Variants in RFX3 observed in about 807,000 individuals in gnomAD.
The protein encoded by RFX3 is regulatory factor X3.
Under a neutral mutation model 98.6 loss-of-function variants are expected in RFX3, and 14 were observed. The ratio of observed to expected loss-of-function variants is 0.14; its 90% CI spans 0.09 to 0.22. RFX3 has a LOEUF of 0.22. Among genes scored for constraint, RFX3 ranks in the 10% least tolerant of loss-of-function variants. The pLI is 1.00. For synonymous variants in RFX3, 383 were observed against 328.4 expected (o/e 1.17, Z -1.80); for missense variants, 639 against 926.9 (o/e 0.69, Z 4.03).
intron 2 of RFX3, among the ~76,000 whole-genome samples, chr9:3,391,869 G>C (rs1324598070): frequency 6.6e-6 from 1 of 152,136 alleles, no homozygotes; most frequent in Non-Finnish European, 1.5e-5. Flanking sequence ...AAAATGTTTG[G>C]AGGTTTGTTC....
At chr9:3,429,146 C>G (rs182716606) in intron 1 of RFX3, among the ~76,000 whole-genome samples, 1,544 of 151,238 alleles carry the variant, frequency 0.01, 24 homozygotes, top group African/African-American at 0.036. Flanking sequence ...CCTCAGCCTC[C>G]CAAGTAGCTG....
intron 3 of RFX3, chr9:3,344,939 G>A: frequency 3.0e-6 from 2 of 668,166 alleles, no homozygotes; most frequent in Non-Finnish European, 5.4e-6. Flanking sequence ...TATGTAAAGA[G>A]GTATAGATTT....
At chr9:3,447,038 T>C (rs1846116997) in intron 1 of RFX3, among the ~76,000 whole-genome samples, 1 of 152,176 alleles carries the variant, frequency 6.6e-6, no homozygotes, top group Admixed American at 6.5e-5. Flanking sequence ...GGAAAATGCC[T>C]TCTCTAGAGA....
intron 1 of RFX3, among the ~76,000 whole-genome samples, chr9:3,446,316 T>C (rs1423242933): frequency 2.0e-5 from 3 of 152,144 alleles, no homozygotes; most frequent in African/African-American, 7.2e-5. Context: ...GAAGTCTTCA[T>C]TGAAGCAACT....
chr9:3,302,576 C>T (rs1828795617), intron 4 of RFX3, among the ~76,000 whole-genome samples: 14 of 151,734 alleles, frequency 9.2e-5, no homozygotes, highest in Admixed American at 9.2e-4. Flanking sequence ...AAATTGATTT[C>T]ATTATTCTTA....
At chr9:3,338,765 T>C (rs1411915777) in intron 3 of RFX3, among the ~76,000 whole-genome samples, 1 of 152,132 alleles carries the variant, frequency 6.6e-6, no homozygotes, top group Non-Finnish European at 1.5e-5. Flanking sequence ...AAACCTGATT[T>C]TCACAGGAAC....
chr9:3,438,217 T>G (rs930918441), intron 1 of RFX3, among the ~76,000 whole-genome samples: 1 of 152,130 alleles, frequency 6.6e-6, no homozygotes, highest in African/African-American at 2.4e-5. Flanking sequence ...TCATATACTT[T>G]CACATTTAAG....
chr9:3,495,948 G>A (rs1478250125), intron 1 of RFX3, among the ~76,000 whole-genome samples: 1 of 151,994 alleles, frequency 6.6e-6, no homozygotes, highest in Non-Finnish European at 1.5e-5. Flanking sequence ...ACCATATTTT[G>A]TAAATCAATG....
intron 15 of RFX3, among the ~76,000 whole-genome samples, chr9:3,243,541 A>G (rs1200780151): frequency 3.9e-5 from 6 of 152,172 alleles, no homozygotes; most frequent in Non-Finnish European, 7.3e-5. Flanking sequence ...TAAAAGTAAT[A>G]GTTTGTATGC....
At chr9:3,321,376 T>C (rs1039179875) in intron 4 of RFX3, among the ~76,000 whole-genome samples, 1 of 152,210 alleles carries the variant, frequency 6.6e-6, no homozygotes, top group Non-Finnish European at 1.5e-5. Flanking sequence ...TCCAATTCTG[T>C]GCCAATTTAG....
chr9:3,504,154 T>TTATATATTA (rs1554727474), intron 1 of RFX3, among the ~76,000 whole-genome samples: 8 of 126,524 alleles, frequency 6.3e-5, no homozygotes, highest in African/African-American at 1.1e-4. Context: ...ATTATACATA[T>TTATATATTA]TATATATTAT....
At chr9:3,324,106 A>G (rs1420041718) in intron 4 of RFX3, 33 of 389,928 alleles carry the variant, frequency 8.5e-5, no homozygotes, top group East Asian at 1.5e-4. Flanking sequence ...CTAGGGAAAA[A>G]GGGACACAGG....
intron 1 of RFX3, among the ~76,000 whole-genome samples, chr9:3,468,859 G>A (rs10126019): frequency 0.23 from 33,184 of 145,618 alleles, 5,068 homozygotes; most frequent in East Asian, 0.67. Flanking sequence ...AAGAAAAACC[G>A]CATACTTTCA....
At chr9:3,232,679 C>CT (rs1305292671) in intron 15 of RFX3, among the ~76,000 whole-genome samples, 2 of 151,708 alleles carry the variant, frequency 1.3e-5, no homozygotes, top group Non-Finnish European at 2.9e-5. Context: ...CATCTTACAG[C>CT]TATTGAAAAC....
chr9:3,431,126 T>G (rs1025592227), intron 1 of RFX3, among the ~76,000 whole-genome samples: 1 of 152,232 alleles, frequency 6.6e-6, no homozygotes, highest in Non-Finnish European at 1.5e-5. Flanking sequence ...TGAGCTCAAG[T>G]GCTGGGACTA....
At chr9:3,454,735 T>C (rs567044408) in intron 1 of RFX3, among the ~76,000 whole-genome samples, 3 of 152,310 alleles carry the variant, frequency 2.0e-5, no homozygotes, top group African/African-American at 7.2e-5. Context: ...TTATTGACTA[T>C]TTTTTTCCCC....
intron 1 of RFX3, among the ~76,000 whole-genome samples, chr9:3,473,106 A>C (rs1848925960): frequency 6.6e-6 from 1 of 152,200 alleles, no homozygotes; most frequent in Non-Finnish European, 1.5e-5. Flanking sequence ...ATCGACTTAT[A>C]TATCCCTTAA....
chr9:3,377,549 G>T (rs543884156), intron 2 of RFX3, among the ~76,000 whole-genome samples: 1 of 152,136 alleles, frequency 6.6e-6, no homozygotes, highest in Non-Finnish European at 1.5e-5. Context: ...TAACAAAACT[G>T]CACGCCGTGC....
intron 1 of RFX3, among the ~76,000 whole-genome samples, chr9:3,441,727 G>C (rs868551673): frequency 1.3e-5 from 2 of 151,916 alleles, no homozygotes; most frequent in African/African-American, 4.8e-5. Context: ...GAAATAAATG[G>C]GAGAGAAGAG....
Sources: gnomAD v4.1 joint callset for allele counts (sites outside exome capture counted in the v4.1 genomes callset) on GRCh38, gnomAD v4.1.1 for gene constraint, MANE v1.5 for transcripts, NCBI Gene and HGNC (gene_info 2026-07-23, HGNC 2026-07-21) for gene names.